Variants in NAF1 observed in about 807,000 individuals in gnomAD.
NAF1 encodes the protein H/ACA ribonucleoprotein complex non-core subunit NAF1.
NAF1 carries 11 observed loss-of-function variants against 40.6 expected under a neutral mutation model. The ratio of observed to expected loss-of-function variants is 0.27; its 90% CI spans 0.17 to 0.45. The LOEUF (loss-of-function observed/expected upper bound fraction) is 0.45. Among genes scored for constraint, NAF1 ranks in the 20% least tolerant of loss-of-function variants. The pLI is 1.00. For synonymous variants in NAF1, 260 were observed against 228.5 expected (o/e 1.14, Z -1.24); for missense variants, 607 against 611.1 (o/e 0.99, Z 0.07).
rs1730750058 is a variant in NAF1 at position 163,128,868 on chromosome 4, T to C, written c.*29A>G. The C allele has an allele frequency of 1.8e-5, 27 of 1,475,542 alleles. No individual in the cohort carries two copies. Among genetic ancestry groups the C allele is most frequent in the Non-Finnish European group, 2.4e-5 (27 of 1,112,658 alleles). 91.4% of individuals were successfully genotyped at this position (1,475,542 alleles called of 1,614,324 possible). Reference sequence around the variant, plus strand: ...AATCCTTACCACATAATATGAAAAGTCCACATTTCTCTGGAAATGCATAGT... The same window carrying C: ...AATCCTTACCACATAATATGAAAAGCCCACATTTCTCTGGAAATGCATAGT... On this transcript the variant is annotated 3_prime_UTR_variant, in exon 8 of 8. Transcript: ENST00000274054.
chr4:163,165,401 C>G (rs1189134990), intron 1 of NAF1, among the ~76,000 whole-genome samples: 1 of 152,162 alleles, frequency 6.6e-6, no homozygotes. Context: ...CAAAACGTAT[C>G]CCCAAATCAT....
chr4:163,109,263 T>C (rs1312041525), downstream of NAF1, among the ~76,000 whole-genome samples: 4 of 151,844 alleles, frequency 2.6e-5, no homozygotes, highest in East Asian at 5.8e-4. Flanking sequence ...AATACTTAGT[T>C]CTTCTCCCTC....
At chr4:163,143,957 T>A (rs1231304615) in intron 4 of NAF1, 2 of 845,416 alleles carry the variant, frequency 2.4e-6, no homozygotes, top group African/African-American at 3.7e-5. Flanking sequence ...CTGTGTGTAT[T>A]ACTGTATCAT....
At chr4:163,140,096 T>C (rs1731199603) in intron 5 of NAF1, 127 bp downstream of exon 5, 1 of 669,508 alleles carries the variant, frequency 1.5e-6, no homozygotes, top group South Asian at 2.9e-5. Context: ...AAAGATATTA[T>C]TAGGAAGATA....
chr4:163,111,396 C>G (rs1175397569), intron 2 of NAF1, among the ~76,000 whole-genome samples: 1 of 152,130 alleles, frequency 6.6e-6, no homozygotes, highest in Non-Finnish European at 1.5e-5. Context: ...AAGTAATATA[C>G]AATCCTTATT....
At chr4:163,151,807 A>T (rs1354205395) in intron 2 of NAF1, among the ~76,000 whole-genome samples, 1 of 152,100 alleles carries the variant, frequency 6.6e-6, no homozygotes, top group Non-Finnish European at 1.5e-5. Flanking sequence ...ATTTAATTAC[A>T]GTTGTCTTCA....
intron 4 of NAF1, among the ~76,000 whole-genome samples, chr4:163,142,751 A>G (rs1437432318): frequency 1.3e-5 from 2 of 152,212 alleles, no homozygotes; most frequent in African/African-American, 4.8e-5. Flanking sequence ...TCCAGAGTAG[A>G]AAAGAGGAAT....
intron 2 of NAF1, among the ~76,000 whole-genome samples, chr4:163,120,901 A>C (rs1343059934): frequency 6.6e-6 from 1 of 151,686 alleles, no homozygotes; most frequent in African/African-American, 2.4e-5. Context: ...TGATTTATTT[A>C]TTTTTTTTGA....
chr4:163,131,314 G>C (rs560333225), intron 7 of NAF1, among the ~76,000 whole-genome samples: 1 of 152,200 alleles, frequency 6.6e-6, no homozygotes, highest in African/African-American at 2.4e-5. Context: ...AAAGAAAAAA[G>C]CTCAGAAGTT....
chr4:163,127,690 C>T (rs1320212840), downstream of NAF1, among the ~76,000 whole-genome samples: 21 of 152,034 alleles, frequency 1.4e-4, 1 homozygote, highest in Admixed American at 1.4e-3. Flanking sequence ...TTAAGGTATA[C>T]CAAGGCAGAG....
chr4:163,166,218 T>C (rs1732454773), intron 1 of NAF1, 145 bp downstream of exon 1: 5 of 1,030,492 alleles, frequency 4.9e-6, no homozygotes, highest in Non-Finnish European at 6.9e-6. Context: ...TCGGAGCCAA[T>C]ACTTCAACAC....
In NAF1 at chr4:163,145,820, T is replaced by C. The variant is rs748288061; in HGVS notation, c.679A>G (p.Thr227Ala). 12 of 1,589,528 alleles carry C rather than the reference T, an allele frequency of 7.5e-6. No individual in the cohort carries two copies. Among genetic ancestry groups the C allele is most frequent in the Non-Finnish European group, 1.0e-5 (12 of 1,163,238 alleles). The change falls in exon 4 of 8, where the codon ACT becomes GCT. Residue 227 changes from threonine (T) to alanine (A), a missense_variant. Thr to Ala is a moderately conservative substitution (Grantham distance 58). Coordinates refer to ENST00000274054, the MANE Select transcript of NAF1 (RefSeq NM_138386.3). ...TGTCGATCACTTTTAAAAATTACAG[T>C]CTCCTCATTAACTGGAGGTAGGTTA... The part of the protein sequence containing the change: ...MTNLPPVNEE[T>A]VIFKSDRQAA...
At chr4:163,137,539 A>G (rs1200745973) in intron 5 of NAF1, among the ~76,000 whole-genome samples, 6 of 152,122 alleles carry the variant, frequency 3.9e-5, no homozygotes, top group Non-Finnish European at 7.4e-5. Context: ...TGTTTTCATA[A>G]TATTTGCAGT....
At chr4:163,113,378 A>T (rs6811980) in intron 2 of NAF1, among the ~76,000 whole-genome samples, 114,741 of 149,532 alleles carry the variant, frequency 0.77, 43,751 homozygotes, top group South Asian at 0.84. Flanking sequence ...CCTTGTTTTT[A>T]TTTTTTTAAT....
chr4:163,150,991 A>G (rs539848286), intron 2 of NAF1, among the ~76,000 whole-genome samples: 12 of 152,198 alleles, frequency 7.9e-5, no homozygotes, highest in Non-Finnish European at 1.6e-4. Context: ...GAATTTCTTC[A>G]TTCATAAAGA....
chr4:163,112,062 G>T (rs915327978), intron 2 of NAF1, among the ~76,000 whole-genome samples: 1 of 152,004 alleles, frequency 6.6e-6, no homozygotes, highest in Non-Finnish European at 1.5e-5. Flanking sequence ...GGGAGTCTGA[G>T]ATTATTAATA....
In NAF1 at chr4:163,166,774, A is replaced by G. The variant is rs1732498727; in HGVS notation, c.-47T>C. 9 of 1,608,220 alleles carry G rather than the reference A, an allele frequency of 5.6e-6. No homozygotes were observed. Among genetic ancestry groups the G allele is most frequent in the Non-Finnish European group, 6.8e-6 (8 of 1,177,910 alleles). ...TCGGCCTCAGGATTGGGGCCCCTGG[A>G]CAAGCTCACGGCTCTCTCCAGAAAT... is the stretch of plus-strand genomic sequence containing the variant. On this transcript the variant is annotated 5_prime_UTR_variant, in exon 1 of 8. Coordinates refer to ENST00000274054, the MANE Select transcript of NAF1 (RefSeq NM_138386.3).
rs749971489 is a variant in NAF1 at position 163,166,429 on chromosome 4, C to T, written c.299G>A (p.Gly100Glu). The change falls in exon 1 of 8, where the codon GGA becomes GAA. Residue 100 changes from glycine to glutamate, a missense_variant. Physicochemically the swap from Gly to Glu is moderately conservative, Grantham distance 98. This residue lies in a region of NAF1 where 407 missense variants were observed against 365.5 expected (regional missense o/e 1.11). Coordinates refer to ENST00000274054, the MANE Select transcript of NAF1 (RefSeq NM_138386.3). ...CGGCGCCCGCGCAGGCTCTGCGGCT[C>T]CTGGGGAGGTGACGCAGTCTCCGCA... Reference protein sequence around the residue: ...PACGDCVTSPGAAEPARAPDS... With the variant: ...PACGDCVTSPEAAEPARAPDS... The T allele has an allele frequency of 5.0e-6, 8 of 1,608,348 alleles. No homozygotes were observed. In the Admixed American group the frequency reaches 5.0e-5, roughly 10 times the overall value.
chr4:163,143,423 C>T (rs1369764696), intron 4 of NAF1, among the ~76,000 whole-genome samples: 1 of 152,170 alleles, frequency 6.6e-6, no homozygotes, highest in Admixed American at 6.5e-5. Flanking sequence ...GTTCTGTGTG[C>T]ACCATGGCAA....
Sources: gnomAD v4.1 joint callset for allele counts (sites outside exome capture counted in the v4.1 genomes callset) on GRCh38, gnomAD v4.1.1 for gene constraint, gnomAD v4.1.1 regional missense constraint, MANE v1.5 for transcripts, NCBI Gene and HGNC (gene_info 2026-07-23, HGNC 2026-07-21) for gene names.